Variants in ABCB9 observed in about 807,000 individuals in gnomAD.
The protein encoded by ABCB9 is ATP binding cassette subfamily B member 9, also known as ABC-type oligopeptide transporter ABCB9.
ABCB9 carries 36 observed loss-of-function variants against 62.0 expected under a neutral mutation model. That is an observed-to-expected ratio of 0.58 (90% CI 0.45 to 0.77). The LOEUF (loss-of-function observed/expected upper bound fraction) is 0.77. Among genes scored for constraint, ABCB9 ranks in the 30% least tolerant of loss-of-function variants. ABCB9 has a pLI of 0.00. For synonymous variants in ABCB9, 435 were observed against 461.4 expected, an observed-to-expected ratio of 0.94 and a Z score of 0.73; for missense variants, 943 against 1,054.7, an observed-to-expected ratio of 0.89 and a Z score of 1.47.
chr12:122,943,126 C>T (rs1057239933), intron 7 of ABCB9, among the ~76,000 whole-genome samples: 2 of 152,178 alleles, frequency 1.3e-5, no homozygotes, highest in Non-Finnish European at 2.9e-5. Context: ...TGAGCAATGG[C>T]TGATGGCAGC....
chr12:122,918,905 C>G (rs2034683523), downstream of ABCB9, among the ~76,000 whole-genome samples: 1 of 152,202 alleles, frequency 6.6e-6, no homozygotes, highest in African/African-American at 2.4e-5. Context: ...CCATTCCTCC[C>G]TCCCCATGCC....
Position 122,932,810 on chromosome 12 carries a change from G to T in ABCB9, c.1904-482C>A, listed in dbSNP as rs2035257510. 6.6e-6 allele frequency among the ~76,000 whole-genome samples: 1 copy of T among 152,146 alleles called. No homozygotes were observed. The highest frequency in any genetic ancestry group is 1.5e-5 in the Non-Finnish European group (1 of 68,032). On this transcript the variant is annotated intron_variant, in intron 10 of 11. Coordinates refer to ENST00000280560, the MANE Select transcript of ABCB9 (RefSeq NM_019625.4). This position sits in a 1 kb window ranked among gnomAD's most constrained non-coding sequence, Gnocchi z 4.7. ...CCCATGCACAACAATATAGACACAGGTCACCTGTGACCCACAGCGCTGTTA... is the reference window on the plus strand; with the variant it reads ...CCCATGCACAACAATATAGACACAGTTCACCTGTGACCCACAGCGCTGTTA...
intron 1 of ABCB9, among the ~76,000 whole-genome samples, chr12:122,962,557 G>GA (rs1158561163): frequency 6.6e-6 from 1 of 152,172 alleles, no homozygotes; most frequent in Non-Finnish European, 1.5e-5. Context: ...TACAGTTAGG[G>GA]AAACTGAGGC....
downstream of ABCB9, among the ~76,000 whole-genome samples, chr12:122,927,051 T>C (rs2034926041): frequency 6.6e-6 from 1 of 152,194 alleles, no homozygotes; most frequent in Non-Finnish European, 1.5e-5. Context: ...GGTTTCCTAA[T>C]TGTGACAAAT....
At chr12:122,937,200 C>T (rs1221314269) in intron 9 of ABCB9, among the ~76,000 whole-genome samples, 1 of 149,704 alleles carries the variant, frequency 6.7e-6, no homozygotes, top group Non-Finnish European at 1.5e-5. Context: ...TCTACTAAAA[C>T]TACAAAAAAT....
At chr12:122,967,404 G>A (rs554309779), upstream of ABCB9, among the ~76,000 whole-genome samples, 1 of 152,350 alleles carries the variant, frequency 6.6e-6, no homozygotes, top group Admixed American at 6.5e-5. Flanking sequence ...GGTCCATGTG[G>A]CCTGAACCGT....
At chr12:122,953,589 T>C (rs1045690397) in intron 2 of ABCB9, among the ~76,000 whole-genome samples, 5 of 152,194 alleles carry the variant, frequency 3.3e-5, no homozygotes, top group Non-Finnish European at 7.3e-5. Context: ...GGTTTCACCA[T>C]GTTGGCCTGG....
intron 1 of ABCB9, among the ~76,000 whole-genome samples, chr12:122,961,186 TTTTA>T (rs1324583351): frequency 6.6e-6 from 1 of 151,758 alleles, no homozygotes; most frequent in Non-Finnish European, 1.5e-5. Context: ...ATCAATTTTA[TTTTA>T]TTTATTTATT....
chr12:122,924,340 A>G (rs1566145811), downstream of ABCB9, among the ~76,000 whole-genome samples: 1 of 152,210 alleles, frequency 6.6e-6, no homozygotes, highest in Non-Finnish European at 1.5e-5. Context: ...ATGTTACGGC[A>G]TATCGAAGAG....
chr12:122,958,469 G>A (rs1346892063), intron 2 of ABCB9, among the ~76,000 whole-genome samples: 2 of 152,270 alleles, frequency 1.3e-5, no homozygotes, highest in East Asian at 3.9e-4. Flanking sequence ...AAGAAAGAAT[G>A]CTTTCCTGGC....
At chr12:122,934,632 C>T (rs2035362659) in intron 10 of ABCB9, among the ~76,000 whole-genome samples, 1 of 149,874 alleles carries the variant, frequency 6.7e-6, no homozygotes, top group Non-Finnish European at 1.5e-5. Flanking sequence ...CAGAGCAAGC[C>T]CCTGCCTCAA....
At chr12:122,938,670 T>C (rs747374125) in intron 9 of ABCB9, among the ~76,000 whole-genome samples, 29 of 150,178 alleles carry the variant, frequency 1.9e-4, no homozygotes, top group Non-Finnish European at 3.5e-4. Context: ...CTACTAAAAA[T>C]ACAAAAAATT....
chr12:122,969,818 T>C (rs1433608566), upstream of ABCB9, among the ~76,000 whole-genome samples: 4 of 151,474 alleles, frequency 2.6e-5, no homozygotes, highest in African/African-American at 9.7e-5. Context: ...GTGATATCAA[T>C]ACACACACAC....
chr12:122,939,982 G>A lies in ABCB9; in HGVS notation c.1743+129C>T, dbSNP rs533215696. 29 of 1,223,656 alleles carry A rather than the reference G, an allele frequency of 2.4e-5. No homozygotes were observed. In the East Asian group the frequency reaches 7.8e-4, roughly 33 times the overall value. The allele number at this position is 1,223,656 out of a possible 1,614,324, so 75.8% of individuals were successfully genotyped here. ...TGTTCTGTTTCTCTAGGAGGGCATT[G>A]TAATTGGTGATAATTCTTTGAACTG... On this transcript the variant is annotated intron_variant, in intron 9 of 11. Transcript: ENST00000280560.
rs1178686841 is a variant in ABCB9 at position 122,951,008 on chromosome 12, A to ATTT, written c.602-446_602-444dup. 7.8e-4 allele frequency: 96 copies of ATTT among 123,760 alleles called. 1 individual carries two copies. The highest frequency in any genetic ancestry group is 2.1e-3 in the African/African-American group (70 of 33,192). 7.7% of individuals were successfully genotyped at this position (123,760 alleles called of 1,614,324 possible). A position where few individuals can be genotyped will look rare whatever the true frequency, so the allele number is the denominator to read the frequency against. ...AGGCATGTGCCACCATGCCAGGCTA[A>ATTT]TTTTTTTTTTTTTTTTTTTGTAGAG... On this transcript the variant is annotated intron_variant, in intron 2 of 11. Coordinates refer to ENST00000280560, the MANE Select transcript of ABCB9 (RefSeq NM_019625.4).
rs2037087112 is a variant in ABCB9, at chr12:122,964,742, G to C, written c.-88+1545C>G. 6.6e-6 allele frequency among the ~76,000 whole-genome samples: 1 copy of C among 152,234 alleles called. No individual in the cohort carries two copies. The highest frequency in any genetic ancestry group is 2.4e-5 in the African/African-American group (1 of 41,456). On this transcript the variant is annotated intron_variant, in intron 1 of 11. Coordinates refer to ENST00000280560, the MANE Select transcript of ABCB9 (RefSeq NM_019625.4). The surrounding 1 kb of genome is among the most constrained non-coding windows in gnomAD (Gnocchi z 4.7). ...TGACCTGCTTGGCCTGAGGGACAAG[G>C]ACAAGGTGGTGGCCAGAATAGGCCC...
intron 11 of ABCB9, among the ~76,000 whole-genome samples, chr12:122,922,412 C>T (rs574836768): frequency 1.3e-5 from 2 of 152,260 alleles, no homozygotes; most frequent in East Asian, 3.9e-4. Context: ...TGGAGTCTCA[C>T]TCTGTTGCCC....
chr12:122,972,292 C>CTTA (rs1419341349), intron 1 of ABCB9, among the ~76,000 whole-genome samples: 1 of 152,142 alleles, frequency 6.6e-6, no homozygotes, highest in Non-Finnish European at 1.5e-5. Context: ...GGATTACAGG[C>CTTA]GTAAGCCATG....
chr12:122,940,242 C>A lies in ABCB9; in HGVS notation c.1612G>T (p.Val538Leu). The stretch of plus-strand genomic sequence containing the variant: ...CTCTTCCCACTGCCCGAGGGCCCCA[C>A]CAGGGCCGTCACCTTGCCGGGGGAC... Reference protein sequence around the residue: ...SLSPGKVTALVGPSGSGKSSC... With the variant: ...SLSPGKVTALLGPSGSGKSSC... The change falls in exon 9 of 12, where the codon GTG becomes TTG. Residue 538 changes from valine (V) to leucine (L), a missense_variant. Physicochemically the swap from Val to Leu is conservative, Grantham distance 32. Coordinates refer to ENST00000280560, the MANE Select transcript of ABCB9 (RefSeq NM_019625.4). The surrounding 1 kb of genome is among the most constrained non-coding windows in gnomAD (Gnocchi z 4.8). 6.2e-7 allele frequency: 1 copy of A among 1,609,950 alleles called. No individual in the cohort carries two copies. The highest frequency in any genetic ancestry group is 8.5e-7 in the Non-Finnish European group (1 of 1,177,520).
Sources: allele counts gnomAD v4.1 joint callset (sites outside exome capture counted in the v4.1 genomes callset), GRCh38; gene constraint gnomAD v4.1.1; non-coding constraint Gnocchi (gnomAD v3.1); transcripts MANE v1.5; gene names NCBI Gene and HGNC (gene_info 2026-07-23, HGNC 2026-07-21).